The following MUC17 variants were observed in gnomAD, a reference collection of about 807,000 sequenced individuals.
MUC17 encodes mucin-17.
MUC17 carries 190 observed loss-of-function variants against 170.3 expected under a neutral mutation model. The ratio of observed to expected loss-of-function variants is 1.12; its 90% CI spans 0.99 to 1.26. The LOEUF is 1.26. Among genes scored for constraint, MUC17 ranks in the 50% most tolerant of loss-of-function variants. MUC17 has a pLI of 0.00. For missense variants in MUC17, 6,415 were observed against 5,530.0 expected, an observed-to-expected ratio of 1.16 and a Z score of -5.08; for synonymous variants, 2,325 against 2,002.5, an observed-to-expected ratio of 1.16 and a Z score of -4.30.
At position 101,038,393 on chromosome 7, in the gene MUC17, C is replaced by A. The variant is rs1321155239; in HGVS notation, c.6977C>A (p.Thr2326Asn). ...ASSPPPTAEGTSMPTSTSSEG... is the reference protein window; with the variant it reads ...ASSPPPTAEGNSMPTSTSSEG... The stretch of plus-strand genomic sequence containing the variant: ...TCACCTCCTCCCACTGCTGAAGGTA[C>A]CAGCATGCCAACCTCAACTTCTAGT... Residue 2326 changes from threonine (T) to asparagine (N), a missense_variant, in exon 3 of 13, where the codon ACC becomes AAC. Thr to Asn is a moderately conservative substitution (Grantham distance 65). Transcript: ENST00000306151. 1.2e-6 allele frequency: 2 copies of A among 1,614,106 alleles called. No homozygotes were observed. Among genetic ancestry groups the A allele is most frequent in the Non-Finnish European group, 1.7e-6 (2 of 1,180,016 alleles).
Position 101,042,256 on chromosome 7 carries a change from A to C in MUC17, c.10840A>C (p.Asn3614His), listed in dbSNP as rs1377310289. 1.9e-6 allele frequency: 3 copies of C among 1,613,874 alleles called. No homozygotes were observed. Among genetic ancestry groups the C allele is most frequent in the Non-Finnish European group, 2.5e-6 (3 of 1,180,000 alleles). Residue 3614 changes from asparagine (N) to histidine (H), a missense_variant, in exon 3 of 13, where the codon AAT (asparagine) becomes CAT (histidine). Transcript: ENST00000306151. ...ACCTGTGACCACTTCTACTCAGAGCAATTCTACTCCTACACCTCCTGAAGT... is the reference window on the plus strand; with the variant it reads ...ACCTGTGACCACTTCTACTCAGAGCCATTCTACTCCTACACCTCCTGAAGT... ...STPVTTSTQS[N>H]STPTPPEVIT...
rs370299623 is a variant in MUC17, at chr7:101,053,162, A to G, written c.13265+15A>G. Reference sequence around the variant, plus strand: ...GAGGTGAAACGGTGAGCGAGCCCCTACCACCTCCTCTTCCAACTCCCTCCA... The same window carrying G: ...GAGGTGAAACGGTGAGCGAGCCCCTGCCACCTCCTCTTCCAACTCCCTCCA... On this transcript the variant is annotated intron_variant, in intron 10 of 12. Transcript: ENST00000306151. 3 of 1,610,202 alleles carry G rather than the reference A, an allele frequency of 1.9e-6. No homozygotes were observed. The highest frequency in any genetic ancestry group is 1.3e-5 in the African/African-American group (1 of 74,734).
intron 4 of MUC17, 47 bp downstream of exon 4, chr7:101,048,162 A>C: frequency 6.7e-7 from 1 of 1,494,916 alleles, no homozygotes; most frequent in Non-Finnish European, 8.9e-7. Flanking sequence ...CTGGGACCCG[A>C]CCTCCATACA....
rs753883194 is a variant in MUC17, at chr7:101,050,572, G to C, written c.12811G>C (p.Val4271Leu). The change falls in exon 7 of 13, where the codon GTA becomes CTA. Residue 4271 changes from valine (V) to leucine (L), a missense_variant. Val to Leu is a conservative substitution (Grantham distance 32, BLOSUM62 1). Coordinates refer to ENST00000306151, the MANE Select transcript of MUC17 (RefSeq NM_001040105.2). Reference sequence around the variant, plus strand: ...GACAGTATTGGACAATGCCACCGAAGTAGTGAAAGAGAAAATCACAAAAGT... The same window carrying C: ...GACAGTATTGGACAATGCCACCGAACTAGTGAAAGAGAAAATCACAAAAGT... ...YKTVLDNATE[V>L]VKEKITKVTT... 1 of 1,614,062 alleles carries C rather than the reference G, an allele frequency of 6.2e-7. No homozygotes were observed. Among genetic ancestry groups the C allele is most frequent in the Non-Finnish European group, 8.5e-7 (1 of 1,180,018 alleles).
At chr7:101,029,757 C>G (rs1030623859) in intron 1 of MUC17, among the ~76,000 whole-genome samples, 1 of 151,914 alleles carries the variant, frequency 6.6e-6, no homozygotes, top group Non-Finnish European at 1.5e-5. Flanking sequence ...CGCCGCCGCA[C>G]CCGGCTAATT....
At position 101,037,234 on chromosome 7, in the gene MUC17, A is replaced by G. The variant is rs751007384; in HGVS notation, c.5818A>G (p.Ser1940Gly). Reference protein sequence around the residue: ...SIPVSTTTVASSEINTLSTTL... With the variant: ...SIPVSTTTVAGSEINTLSTTL... Reference sequence around the variant, plus strand: ...ACCTGTCAGCACCACAACAGTGGCCAGTTCTGAAATCAACACCCTTTCAAC... The same window carrying G: ...ACCTGTCAGCACCACAACAGTGGCCGGTTCTGAAATCAACACCCTTTCAAC... The change falls in exon 3 of 13, where the codon AGT becomes GGT. Residue 1940 changes from serine (S) to glycine (G), a missense_variant. Transcript: ENST00000306151. 1 of 1,611,312 alleles carries G rather than the reference A, an allele frequency of 6.2e-7. No individual in the cohort carries two copies. Among genetic ancestry groups the G allele is most frequent in the Non-Finnish European group, 8.5e-7 (1 of 1,178,270 alleles).
intron 6 of MUC17, 105 bp downstream of exon 6, chr7:101,049,487 C>T: frequency 6.9e-7 from 1 of 1,445,660 alleles, no homozygotes; most frequent in Non-Finnish European, 9.3e-7. Flanking sequence ...GCCCAGGCAG[C>T]TATTGCAGAA....
In MUC17 at chr7:101,042,854, G is replaced by A. The variant is rs763090261; in HGVS notation, c.11438G>A (p.Ser3813Asn). ...CCTATGTCAACTACGAGTGAAAGAA[G>A]CACTTTATTGACAACTGTCCTCATC... ...TMPMSTTSER[S>N]TLLTTVLISP... is the part of the protein sequence containing the mutation. The change falls in exon 3 of 13, where the codon AGC becomes AAC. Residue 3813 changes from serine (S) to asparagine (N), a missense_variant. Coordinates refer to ENST00000306151, the MANE Select transcript of MUC17 (RefSeq NM_001040105.2). 6.2e-7 allele frequency: 1 copy of A among 1,614,112 alleles called. No homozygotes were observed. The highest frequency in any genetic ancestry group is 1.7e-5 in the Admixed American group (1 of 60,010).
rs762929095 is a variant in MUC17, at chr7:101,042,514, C to T, written c.11098C>T (p.Pro3700Ser). ...AGGAAGCACTCCATTAACAACTATG[C>T]CTGTCAGCACCACACGTGTGACCAG... is the stretch of plus-strand genomic sequence containing the variant. ...SEGSTPLTTM[P>S]VSTTRVTSSE... Residue 3700 changes from proline to serine, a missense_variant, in exon 3 of 13, where the codon CCT (proline) becomes TCT (serine). Transcript: ENST00000306151. 79 of 1,613,952 alleles carry T rather than the reference C, an allele frequency of 4.9e-5. No homozygotes were observed. Among genetic ancestry groups the T allele is most frequent in the Non-Finnish European group, 6.5e-5 (77 of 1,180,016 alleles).
At chr7:101,048,821 G>A in intron 4 of MUC17, 24 bp from the exon 5 acceptor site, 4 of 1,613,422 alleles carry the variant, frequency 2.5e-6, no homozygotes, top group South Asian at 1.1e-5. Flanking sequence ...GAGATGCTTT[G>A]CTCAGTAAGT....
Position 101,048,099 on chromosome 7 carries a change from C to T in MUC17, c.12519C>T (p.Val4173=), listed in dbSNP as rs752093167. The T allele has an allele frequency of 1.2e-6, 2 of 1,601,224 alleles. No individual in the cohort carries two copies. The highest frequency in any genetic ancestry group is 1.7e-5 in the Admixed American group (1 of 58,270). The change falls in exon 4 of 13, where the codon GTC becomes GTT. Residue 4173 remains valine, a synonymous_variant. Coordinates refer to ENST00000306151, the MANE Select transcript of MUC17 (RefSeq NM_001040105.2). The stretch of plus-strand genomic sequence containing the variant: ...ATGGGGAGTTGTGTGAGGAGGTGGT[C>T]AGCAGCATTGACATAGGTGAGTGCA... ...LYYGELCEEV[V]SSIDIGPPET...
chr7:101,020,361 C>T (rs1436529148), intron 1 of MUC17, 144 bp downstream of exon 1: 1 of 535,588 alleles, frequency 1.9e-6, no homozygotes, highest in Non-Finnish European at 3.1e-6. Context: ...TGTGCCTACC[C>T]CCTGGACTTC....
rs377685184 is a variant in MUC17 at position 101,037,325 on chromosome 7, C to T, written c.5909C>T (p.Ala1970Val). 21 of 1,614,014 alleles carry T rather than the reference C, an allele frequency of 1.3e-5. No individual in the cohort carries two copies. The African/African-American group carries it at 2.7e-4, about 21-fold the overall frequency. ...YSQASSSPTTADGTSMPTPAY... is the reference protein window; with the variant it reads ...YSQASSSPTTVDGTSMPTPAY... ...CAAGCCAGTTCATCTCCTACAACTG[C>T]TGATGGTACCAGCATGCCAACCCCA... The change falls in exon 3 of 13, where the codon GCT becomes GTT. Residue 1970 changes from alanine (A) to valine (V), a missense_variant. Transcript: ENST00000306151.
At chr7:101,025,465 C>G (rs893864525) in intron 1 of MUC17, among the ~76,000 whole-genome samples, 2 of 151,884 alleles carry the variant, frequency 1.3e-5, no homozygotes. Context: ...GAGTTTAAGA[C>G]CAGCCTGGCT....
Position 101,043,479 on chromosome 7 carries a change from C to G in MUC17, c.12063C>G (p.Cys4021Trp). Residue 4021 changes from cysteine to tryptophan, a missense_variant, in exon 3 of 13, where the codon TGC becomes TGG. Coordinates refer to ENST00000306151, the MANE Select transcript of MUC17 (RefSeq NM_001040105.2). Reference protein sequence around the residue: ...PSTPRTTSRGCTTSASTLSAT... With the variant: ...PSTPRTTSRGWTTSASTLSAT... ...CACCCAGAACAACCAGCAGAGGCTG[C>G]ACTACTTCTGCATCAACGCTTTCTG... 5 of 1,614,238 alleles carry G rather than the reference C, an allele frequency of 3.1e-6. No individual in the cohort carries two copies. The highest frequency in any genetic ancestry group is 4.2e-6 in the Non-Finnish European group (5 of 1,180,042).
At chr7:101,052,318 C>A (rs1794963162) in intron 9 of MUC17, among the ~76,000 whole-genome samples, 1 of 152,164 alleles carries the variant, frequency 6.6e-6, no homozygotes, top group Non-Finnish European at 1.5e-5. Flanking sequence ...CAGAAGGTTA[C>A]ACACCCATAT....
rs147334455 is a variant in MUC17, at chr7:101,042,410, C to T, written c.10994C>T (p.Pro3665Leu). The change falls in exon 3 of 13, where the codon CCT becomes CTT. Residue 3665 changes from proline to leucine, a missense_variant. Coordinates refer to ENST00000306151, the MANE Select transcript of MUC17 (RefSeq NM_001040105.2). ...ASTLPVDTSTPVITSTQVSSS... is the reference protein window; with the variant it reads ...ASTLPVDTSTLVITSTQVSSS... The stretch of plus-strand genomic sequence containing the variant: ...ACACTTCCTGTTGACACCAGCACAC[C>T]TGTGATCACTTCTACCCAAGTCAGT... The T allele has an allele frequency of 3.0e-4, 491 of 1,614,172 alleles. 3 individuals carry two copies. In the East Asian group the frequency reaches 0.01, roughly 33 times the overall value.
In MUC17 at chr7:101,038,147, C is replaced by G; in HGVS notation, c.6731C>G (p.Pro2244Arg). ...TSEASTLSATPVDTSTPVTTS... is the reference protein window; with the variant it reads ...TSEASTLSATRVDTSTPVTTS... Reference sequence around the variant, plus strand: ...GAGGCTAGCACCCTTTCAGCAACTCCTGTTGACACCAGCACACCTGTGACC... The same window carrying G: ...GAGGCTAGCACCCTTTCAGCAACTCGTGTTGACACCAGCACACCTGTGACC... The change falls in exon 3 of 13, where the codon CCT becomes CGT. Residue 2244 changes from proline (P) to arginine (R), a missense_variant. Physicochemically the swap from Pro to Arg is moderately radical, Grantham distance 103. Coordinates refer to ENST00000306151, the MANE Select transcript of MUC17 (RefSeq NM_001040105.2). 6.2e-7 allele frequency: 1 copy of G among 1,613,814 alleles called. No individual in the cohort carries two copies. The highest frequency in any genetic ancestry group is 8.5e-7 in the Non-Finnish European group (1 of 1,179,940).
In MUC17 at chr7:101,040,579, A is replaced by G. The variant is rs1794666189; in HGVS notation, c.9163A>G (p.Thr3055Ala). The part of the protein sequence containing the change: ...STPLTSIPVS[T>A]TPVAIPEAST... ...TCCATTAACAAGTATACCTGTCAGC[A>G]CCACGCCAGTGGCCATTCCTGAGGC... The change falls in exon 3 of 13, where the codon ACC becomes GCC. Residue 3055 changes from threonine to alanine, a missense_variant. Thr to Ala is a moderately conservative substitution (Grantham distance 58). Coordinates refer to ENST00000306151, the MANE Select transcript of MUC17 (RefSeq NM_001040105.2). The G allele has an allele frequency of 1.4e-5, 23 of 1,612,870 alleles. No individual in the cohort carries two copies. Among genetic ancestry groups the G allele is most frequent in the Non-Finnish European group, 1.9e-5 (23 of 1,179,624 alleles).
Sources: gnomAD v4.1 joint callset for allele counts (sites outside exome capture counted in the v4.1 genomes callset) on GRCh38, gnomAD v4.1.1 for gene constraint, MANE v1.5 for transcripts, NCBI Gene and HGNC (gene_info 2026-07-23, HGNC 2026-07-21) for gene names.